The following LRRC71 variants were observed in gnomAD, a reference collection of about 807,000 sequenced individuals.
The protein encoded by LRRC71 is leucine-rich repeat-containing protein 71.
In LRRC71, 54 loss-of-function variants were observed where a neutral mutation model predicts 66.6. The observed-to-expected ratio is 0.81, with a 90% confidence interval of 0.65 to 1.02. LRRC71 has a LOEUF of 1.02. Among genes scored for constraint, LRRC71 ranks in the 50% least tolerant of loss-of-function variants. LRRC71 has a pLI of 0.00. For missense variants in LRRC71, 724 were observed against 718.0 expected (o/e 1.01, Z -0.10); for synonymous variants, 323 against 303.9 (o/e 1.06, Z -0.65).
chr1:156,938,432 C>G, the LRRC71 span: 1 of 1,613,696 alleles, frequency 6.2e-7, no homozygotes, highest in Non-Finnish European at 8.5e-7. Flanking sequence ...AGCCTTTGTT[C>G]CGCCTTCCAC....
the LRRC71 span, chr1:156,940,017 T>G: frequency 6.5e-6 from 10 of 1,527,580 alleles, no homozygotes; most frequent in Non-Finnish European, 8.7e-6. Flanking sequence ...CAGGCACAGG[T>G]GAAGCTGGAG....
chr1:156,925,245 C>T (rs576675968), intron 5 of LRRC71, among the ~76,000 whole-genome samples: 1 of 152,328 alleles, frequency 6.6e-6, no homozygotes, highest in Non-Finnish European at 1.5e-5. Flanking sequence ...TCTTCAGGGG[C>T]TCAACCTGTC....
downstream of LRRC71, chr1:156,936,831 G>A (rs1655480520): frequency 1.2e-6 from 2 of 1,613,812 alleles, no homozygotes; most frequent in African/African-American, 2.7e-5. Context: ...TCAGGGCAGG[G>A]CCCCAGTTCA....
In LRRC71 at chr1:156,928,010, G is replaced by C; in HGVS notation, c.996+6G>C. On this transcript the variant is annotated splice_donor_region_variant and intron_variant, in intron 9 of 14. Transcript: ENST00000337428. ...CACAGGAGCGCTCGCGATCGGTGAG[G>C]AGCTACCAGGCCCCAGGACCAGCCG... The C allele has an allele frequency of 6.3e-7, 1 of 1,587,534 alleles. No homozygotes were observed. Among genetic ancestry groups the C allele is most frequent in the South Asian group, 1.1e-5 (1 of 87,026 alleles).
intron 14 of LRRC71, 115 bp downstream of exon 14, chr1:156,932,660 T>C (rs767610865): frequency 6.2e-7 from 1 of 1,606,936 alleles, no homozygotes; most frequent in South Asian, 1.1e-5. Context: ...GTCTGTAGTT[T>C]CTCTGCTTCT....
chr1:156,936,489 A>AAAAT (rs1553192680), downstream of LRRC71, among the ~76,000 whole-genome samples: 8 of 77,152 alleles, frequency 1.0e-4, 1 homozygote, highest in African/African-American at 4.7e-4. Flanking sequence ...AGAAAAAAAA[A>AAAAT]AAAAAAAAAT....
At chr1:156,923,189 C>G (rs1448689590) in intron 1 of LRRC71, among the ~76,000 whole-genome samples, 1 of 152,200 alleles carries the variant, frequency 6.6e-6, no homozygotes, top group Non-Finnish European at 1.5e-5. Context: ...GCCCCTGTGG[C>G]CAGCGTGCTG....
At chr1:156,931,713 C>G (rs965958789) in intron 12 of LRRC71, among the ~76,000 whole-genome samples, 4 of 152,078 alleles carry the variant, frequency 2.6e-5, no homozygotes, top group Non-Finnish European at 5.9e-5. Context: ...CACTCCAGAC[C>G]ACGTTACTTT....
Position 156,927,603 on chromosome 1 carries a change from T to C in LRRC71, c.770T>C (p.Leu257Pro), listed in dbSNP as rs771788444. 1.2e-6 allele frequency: 2 copies of C among 1,600,968 alleles called. No homozygotes were observed. The highest frequency in any genetic ancestry group is 1.3e-5 in the African/African-American group (1 of 74,740). ...LHSCNRTLVS[L>P]NLGFNHIGDE... ...AGCTGCAACCGGACCCTCGTCTCGC[T>C]CAACCTGGGTTTCAACCACATCGGT... Residue 257 changes from leucine to proline, a missense_variant, in exon 7 of 15, where the codon CTC (leucine) becomes CCC (proline). Physicochemically the swap from Leu to Pro is moderately conservative, Grantham distance 98 (BLOSUM62 -3). Coordinates refer to ENST00000337428, the MANE Select transcript of LRRC71 (RefSeq NM_144702.3).
At chr1:156,938,974 C>A in the LRRC71 span, 1 of 187,588 alleles carries the variant, frequency 5.3e-6, no homozygotes. Context: ...CTTTTCTTGT[C>A]TCAAGGCCGT....
At chr1:156,936,871 C>T (rs1655491842), downstream of LRRC71, 2 of 1,614,122 alleles carry the variant, frequency 1.2e-6, no homozygotes, top group South Asian at 2.2e-5. Context: ...AAGCTAGGGG[C>T]TCCTTAGCGG....
downstream of LRRC71, chr1:156,936,181 C>T (rs1445258541): frequency 2.9e-6 from 3 of 1,045,614 alleles, no homozygotes; most frequent in African/African-American, 4.7e-5. Context: ...CCTCCAGAAA[C>T]CCCAGTTTCT....
At chr1:156,927,170 C>T (rs1461439947) in intron 5 of LRRC71, 32 bp from the exon 6 acceptor site, 2 of 1,595,466 alleles carry the variant, frequency 1.3e-6, no homozygotes, top group Admixed American at 3.5e-5. Context: ...CTCAGTGGTA[C>T]CTTCTGGTTC....
rs1287680353 is a variant in LRRC71 at position 156,924,398 on chromosome 1, C to T, written c.311-26C>T. ...GTGGGGCCCTGGAGGTGGCTGTTCC[C>T]CTCCCTCCTCACCTCTGCCTTCCAG... On this transcript the variant is annotated intron_variant, in intron 2 of 14. Transcript: ENST00000337428. The T allele has an allele frequency of 1.9e-6, 3 of 1,544,818 alleles. No homozygotes were observed. In the Admixed American group the frequency reaches 5.9e-5, roughly 30 times the overall value.
chr1:156,921,070 C>A, intron 1 of LRRC71, 107 bp downstream of exon 1: 2 of 1,242,432 alleles, frequency 1.6e-6, no homozygotes, highest in Non-Finnish European at 2.1e-6. Context: ...TACATACCTA[C>A]GTTGAGTTCC....
Position 156,924,447 on chromosome 1 carries a change from T to C in LRRC71, c.334T>C (p.Cys112Arg), listed in dbSNP as rs1652879778. Reference protein sequence around the residue: ...TLDDPRLSGSCSLNSLESKYV... With the variant: ...TLDDPRLSGSRSLNSLESKYV... ...AGACGATCCGCGGCTGTCGGGGTCC[T>C]GCAGCCTCAATAGCCTGGAGAGCAA... is the stretch of plus-strand genomic sequence containing the variant. The change falls in exon 3 of 15, where the codon TGC becomes CGC. Residue 112 changes from cysteine (C) to arginine (R), a missense_variant. Cys to Arg is a radical substitution (Grantham distance 180). Coordinates refer to ENST00000337428, the MANE Select transcript of LRRC71 (RefSeq NM_144702.3). 1.9e-6 allele frequency: 3 copies of C among 1,550,956 alleles called. No homozygotes were observed. The highest frequency in any genetic ancestry group is 2.6e-6 in the Non-Finnish European group (3 of 1,147,002).
intron 1 of LRRC71, 103 bp downstream of exon 1, chr1:156,921,066 C>A: frequency 7.9e-7 from 1 of 1,267,262 alleles, no homozygotes; most frequent in Non-Finnish European, 1.0e-6. Flanking sequence ...CTCATACATA[C>A]CTACGTTGAG....
At chr1:156,935,706 T>G, downstream of LRRC71, 1 of 404,132 alleles carries the variant, frequency 2.5e-6, no homozygotes, top group African/African-American at 2.0e-5. Context: ...CACACATATG[T>G]GGGGTGAGGG....
chr1:156,923,019 G>T (rs146089333), intron 1 of LRRC71, among the ~76,000 whole-genome samples: 43 of 152,312 alleles, frequency 2.8e-4, no homozygotes, highest in African/African-American at 9.4e-4. Context: ...GCTGTGCCTG[G>T]GTTACCACTG....
Sources: allele counts gnomAD v4.1 joint callset (sites outside exome capture counted in the v4.1 genomes callset), GRCh38; gene constraint gnomAD v4.1.1; transcripts MANE v1.5; gene names NCBI Gene and HGNC (gene_info 2026-07-23, HGNC 2026-07-21).